The following KHDRBS2 variants were observed in gnomAD, a reference collection of about 807,000 sequenced individuals.
KHDRBS2 encodes the protein KH domain-containing, RNA-binding, signal transduction-associated protein 2.
Under a neutral mutation model 44.3 loss-of-function variants are expected in KHDRBS2, and 26 were observed. The observed-to-expected ratio is 0.59, with a 90% CI of 0.43 to 0.81. The LOEUF (loss-of-function observed/expected upper bound fraction) is 0.81. Ranked by LOEUF, KHDRBS2 falls within the 40% of genes least tolerant of loss-of-function variation. The probability of loss-of-function intolerance (pLI) is 0.00; values close to 1 mark genes in which losing one functional copy is unlikely to be tolerated. For synonymous variants in KHDRBS2, 194 were observed against 151.1 expected, an observed-to-expected ratio of 1.28 and a Z score of -2.08; for missense variants, 476 against 433.1, an observed-to-expected ratio of 1.10 and a Z score of -0.88.
intron 6 of KHDRBS2, among the ~76,000 whole-genome samples, chr6:61,847,959 G>C (rs1474216115): frequency 6.6e-6 from 1 of 151,914 alleles, no homozygotes; most frequent in African/African-American, 2.4e-5. Context: ...AAACTGAAAA[G>C]TCACTGCCCT....
intron 3 of KHDRBS2, among the ~76,000 whole-genome samples, chr6:62,034,607 A>G (rs762905090): frequency 5.9e-5 from 9 of 151,640 alleles, no homozygotes; most frequent in Non-Finnish European, 1.2e-4. Flanking sequence ...CTTCATGATA[A>G]AAACACTCAA....
the KHDRBS2 span, among the ~76,000 whole-genome samples, chr6:61,674,307 A>C: frequency 6.6e-6 from 1 of 151,770 alleles, no homozygotes; most frequent in Non-Finnish European, 1.5e-5. Context: ...AACAGAAATT[A>C]TGTCAAGGCT....
At chr6:61,904,366 G>T (rs1804590593) in intron 4 of KHDRBS2, among the ~76,000 whole-genome samples, 1 of 152,110 alleles carries the variant, frequency 6.6e-6, no homozygotes, top group Non-Finnish European at 1.5e-5. Context: ...ATGAATATTT[G>T]ACACTGCAGG....
chr6:62,144,198 GTCTAT>G, intron 2 of KHDRBS2, among the ~76,000 whole-genome samples: 1 of 151,956 alleles, frequency 6.6e-6, no homozygotes, highest in South Asian at 2.1e-4. Context: ...AAGAAATGCT[GTCTAT>G]TCTATTTTCT....
Position 62,222,556 on chromosome 6 carries a change from T to C in KHDRBS2, c.92-45244A>G, listed in dbSNP as rs1450508385. On this transcript the variant is annotated intron_variant, in intron 1 of 8. Coordinates refer to ENST00000281156, the MANE Select transcript of KHDRBS2 (RefSeq NM_152688.4). ...TTCAAATTATCTCCCACCAGGTCCC[T>C]CAAACAACATGTGGGAATTATGGGA... Among the ~76,000 whole-genome samples, 3 of 152,086 alleles carry C rather than the reference T, an allele frequency of 2.0e-5. 1 individual carries two copies. Among genetic ancestry groups the C allele is most frequent in the Admixed American group, 2.0e-4 (3 of 15,280 alleles).
chr6:61,763,950 A>T (rs1779630865), intron 6 of KHDRBS2, among the ~76,000 whole-genome samples: 1 of 152,068 alleles, frequency 6.6e-6, no homozygotes, highest in Admixed American at 6.6e-5. Context: ...CCCCGCATGC[A>T]TTAGCTGTTT....
the KHDRBS2 span, chr6:61,661,503 A>G: frequency 6.6e-6 from 1 of 151,914 alleles, no homozygotes; most frequent in East Asian, 1.9e-4. Context: ...CATACCCAAA[A>G]TAAACTAAAT....
intron 6 of KHDRBS2, among the ~76,000 whole-genome samples, chr6:61,764,676 CTTTT>C (rs1376031366): frequency 6.6e-6 from 1 of 152,072 alleles, no homozygotes; most frequent in African/African-American, 2.4e-5. Context: ...TATATGTCTT[CTTTT>C]GAGAAGTGTG....
intron 3 of KHDRBS2, among the ~76,000 whole-genome samples, chr6:62,045,200 C>G (rs1237006957): frequency 6.6e-6 from 1 of 151,972 alleles, no homozygotes; most frequent in African/African-American, 2.4e-5. Context: ...TTGCGAATTA[C>G]TTTCCAGGAG....
chr6:62,047,701 C>T (rs1213003410), intron 3 of KHDRBS2, among the ~76,000 whole-genome samples, 177 bp downstream of exon 3: 1 of 151,360 alleles, frequency 6.6e-6, no homozygotes, highest in Non-Finnish European at 1.5e-5. Flanking sequence ...AGAAGGGAGG[C>T]CAATAATTGA....
At chr6:62,097,091 T>C (rs1439470417) in intron 2 of KHDRBS2, among the ~76,000 whole-genome samples, 3 of 151,930 alleles carry the variant, frequency 2.0e-5, no homozygotes, top group African/African-American at 2.4e-5. Context: ...TTAGAAAAGA[T>C]ACCTGATATA....
intron 3 of KHDRBS2, among the ~76,000 whole-genome samples, chr6:62,041,102 G>A (rs574127980): frequency 5.3e-5 from 8 of 152,096 alleles, no homozygotes; most frequent in Non-Finnish European, 8.8e-5. Context: ...AGGCTGAGGC[G>A]GGCAGATCAC....
At chr6:62,177,101 T>G (rs1436765240) in intron 2 of KHDRBS2, 84 bp downstream of exon 2, 2 of 835,524 alleles carry the variant, frequency 2.4e-6, no homozygotes, top group Non-Finnish European at 1.8e-6. Context: ...AAATATTTAT[T>G]TTATAAAAGT....
chr6:61,988,949 G>A (rs1224089833), intron 3 of KHDRBS2, among the ~76,000 whole-genome samples: 4 of 152,060 alleles, frequency 2.6e-5, no homozygotes, highest in Non-Finnish European at 4.4e-5. Context: ...AAAGATGAAC[G>A]CTTGAATAAA....
In KHDRBS2 at chr6:62,274,170, G is replaced by A. The variant is rs182617460; in HGVS notation, c.91+11688C>T. Among the ~76,000 whole-genome samples the A allele has an allele frequency of 9.1e-4, 139 of 152,008 alleles. No homozygotes were observed. In the Middle Eastern group the frequency reaches 0.01, roughly 11 times the overall value. On this transcript the variant is annotated intron_variant, in intron 1 of 8. Coordinates refer to ENST00000281156, the MANE Select transcript of KHDRBS2 (RefSeq NM_152688.4). ...AGGCTGGTCTTGAACTCCTGACCTC[G>A]TGATCTGCCCACCTCAGCCTCCCTA...
intron 3 of KHDRBS2, among the ~76,000 whole-genome samples, chr6:62,001,106 G>A (rs576455532): frequency 1.1e-4 from 16 of 152,234 alleles, no homozygotes; most frequent in South Asian, 4.1e-4. Flanking sequence ...AGCTTCTTAC[G>A]TTCTGGTCAC....
intron 6 of KHDRBS2, among the ~76,000 whole-genome samples, chr6:61,769,988 C>A (rs2127575969): frequency 6.6e-6 from 1 of 152,278 alleles, no homozygotes; most frequent in African/African-American, 2.4e-5. Flanking sequence ...TGAGACAAAA[C>A]TTCCAGAGGA....
intron 1 of KHDRBS2, among the ~76,000 whole-genome samples, chr6:62,215,333 C>T (rs905585222): frequency 1.3e-5 from 2 of 151,704 alleles, no homozygotes; most frequent in African/African-American, 4.8e-5. Flanking sequence ...AGGTGCAGAG[C>T]AAAATACACC....
intron 6 of KHDRBS2, among the ~76,000 whole-genome samples, chr6:61,824,329 C>T (rs1790499334): frequency 6.6e-6 from 1 of 152,010 alleles, no homozygotes; most frequent in African/African-American, 2.4e-5. Context: ...AGAGTTCTCA[C>T]AAAATGGGGT....
Sources: allele counts gnomAD v4.1 joint callset (sites outside exome capture counted in the v4.1 genomes callset), GRCh38; gene constraint gnomAD v4.1.1; transcripts MANE v1.5; gene names NCBI Gene and HGNC (gene_info 2026-07-23, HGNC 2026-07-21).